CLEC16A: variants seen among roughly 807,000 people sequenced by gnomAD.
The protein encoded by CLEC16A is protein CLEC16A.
Under a neutral mutation model 109.5 loss-of-function variants are expected in CLEC16A, and 51 were observed. The ratio of observed to expected loss-of-function variants is 0.47; its 90% CI spans 0.37 to 0.59. CLEC16A has a LOEUF of 0.59. Ranked by LOEUF, CLEC16A falls within the 20% of genes least tolerant of loss-of-function variation. The pLI, the probability that CLEC16A is intolerant of heterozygous loss-of-function variation, is 0.00. For missense variants in CLEC16A, 1,339 were observed against 1,394.0 expected, an observed-to-expected ratio of 0.96 and a Z score of 0.63; for synonymous variants, 673 against 564.2, an observed-to-expected ratio of 1.19 and a Z score of -2.73.
intron 2 of CLEC16A, among the ~76,000 whole-genome samples, chr16:10,960,029 C>T (rs1214742022): frequency 1.3e-5 from 2 of 152,084 alleles, no homozygotes; most frequent in African/African-American, 4.8e-5. Context: ...AACAAAGTCC[C>T]TAAGAAAATT....
chr16:11,118,643 T>TA (rs1172005022), intron 19 of CLEC16A, among the ~76,000 whole-genome samples: 2 of 152,232 alleles, frequency 1.3e-5, no homozygotes, highest in African/African-American at 4.8e-5. Context: ...TTGGTTTAAG[T>TA]AAGTTCCATT....
intron 19 of CLEC16A, among the ~76,000 whole-genome samples, chr16:11,113,167 A>C (rs1396301571): frequency 6.6e-6 from 1 of 152,150 alleles, no homozygotes; most frequent in Non-Finnish European, 1.5e-5. Context: ...TCACGCCATC[A>C]CCTGGTTCTC....
intron 23 of CLEC16A, among the ~76,000 whole-genome samples, chr16:11,176,327 C>G (rs1256556648): frequency 6.6e-6 from 1 of 152,222 alleles, no homozygotes; most frequent in Non-Finnish European, 1.5e-5. Context: ...ACTTTTTCCA[C>G]TAGTGTTCAC....
intron 10 of CLEC16A, among the ~76,000 whole-genome samples, chr16:10,984,410 A>C (rs1262375639): frequency 6.6e-6 from 1 of 152,184 alleles, no homozygotes; most frequent in Non-Finnish European, 1.5e-5. Flanking sequence ...AGCAGTGTTG[A>C]TGGAGCTCTT....
intron 2 of CLEC16A, among the ~76,000 whole-genome samples, chr16:10,958,674 C>G (rs186863952): frequency 1.3e-5 from 2 of 152,280 alleles, no homozygotes; most frequent in East Asian, 3.9e-4. Context: ...GAGGCTGAGG[C>G]AGGAGGATCG....
chr16:11,169,739 G>C (rs1430656999), intron 23 of CLEC16A, among the ~76,000 whole-genome samples: 3 of 152,224 alleles, frequency 2.0e-5, no homozygotes, highest in African/African-American at 7.2e-5. Flanking sequence ...AAAGCTGGGA[G>C]TGACCTTCAT....
At chr16:11,166,354 C>T in intron 22 of CLEC16A, 34 bp from the exon 23 acceptor site, 1 of 1,567,876 alleles carries the variant, frequency 6.4e-7, no homozygotes, top group Non-Finnish European at 8.6e-7. Flanking sequence ...CTACTCTTTG[C>T]TTCCACTTGG....
Position 11,178,398 on chromosome 16 carries a change from A to G in CLEC16A, c.2870A>G (p.Glu957Gly), listed in dbSNP as rs752888400. 1 of 1,613,850 alleles carries G rather than the reference A, an allele frequency of 6.2e-7. No individual in the cohort carries two copies. The highest frequency in any genetic ancestry group is 1.1e-5 in the South Asian group (1 of 91,084). The change falls in exon 24 of 24, where the codon GAA (glutamate) becomes GGA (glycine). Residue 957 changes from glutamate to glycine, a missense_variant. Around this residue, in one of 3 missense-constraint regions of CLEC16A, gnomAD observed 1,061 missense variants for 1,006.8 expected, o/e 1.05. Transcript: ENST00000409790. This position sits in a 1 kb window ranked among gnomAD's most constrained non-coding sequence, Gnocchi z 6.5. ...HLPDQLVIVNETEADSKPSKN... is the reference protein window; with the variant it reads ...HLPDQLVIVNGTEADSKPSKN... ...CCTGACCAGTTGGTAATCGTCAACGAAACGGAAGCAGACTCTAAGCCCAGC... is the reference window on the plus strand; with the variant it reads ...CCTGACCAGTTGGTAATCGTCAACGGAACGGAAGCAGACTCTAAGCCCAGC...
At chr16:10,945,227 TA>T (rs2041292629) in intron 1 of CLEC16A, among the ~76,000 whole-genome samples, 2 of 152,260 alleles carry the variant, frequency 1.3e-5, no homozygotes, top group South Asian at 4.1e-4. Context: ...TCCCCACTTG[TA>T]AAAAGAGTAG....
At chr16:11,096,518 A>G (rs912986958) in intron 19 of CLEC16A, among the ~76,000 whole-genome samples, 4 of 152,232 alleles carry the variant, frequency 2.6e-5, no homozygotes, top group Non-Finnish European at 4.4e-5. Flanking sequence ...TTTCCTGATT[A>G]TAAAAGTATT....
intron 12 of CLEC16A, 40 bp from the exon 13 acceptor site, chr16:11,024,781 G>T: frequency 6.7e-7 from 1 of 1,486,348 alleles, no homozygotes; most frequent in Non-Finnish European, 9.2e-7. Context: ...GTTCACCCTT[G>T]TGCACCGTGA....
chr16:11,046,122 C>G (rs929398608), intron 16 of CLEC16A, among the ~76,000 whole-genome samples: 1 of 152,188 alleles, frequency 6.6e-6, no homozygotes, highest in African/African-American at 2.4e-5. Context: ...CTTTGAACCT[C>G]TTTCCAGTAT....
At chr16:11,046,206 C>G (rs933479915) in intron 16 of CLEC16A, among the ~76,000 whole-genome samples, 1 of 152,118 alleles carries the variant, frequency 6.6e-6, no homozygotes, top group Non-Finnish European at 1.5e-5. Flanking sequence ...TAGGCATTTT[C>G]CCAGAGGGTT....
rs146807156 is a variant in CLEC16A at position 10,954,780 on chromosome 16, C to A, written c.81-3002C>A. ...TTCTCTACTTCCTGCTCTGGTTTCG[C>A]TGAACCTTCCCATCACGACTCCTGC... On this transcript the variant is annotated intron_variant, in intron 1 of 23. Transcript: ENST00000409790. The surrounding 1 kb of genome is among the most constrained non-coding windows in gnomAD (Gnocchi z 4.2). Among the ~76,000 whole-genome samples the A allele has an allele frequency of 1.3e-5, 2 of 152,304 alleles. No homozygotes were observed. Among genetic ancestry groups the A allele is most frequent in the African/African-American group, 4.8e-5 (2 of 41,556 alleles).
At chr16:11,006,835 G>T (rs1326699229) in intron 11 of CLEC16A, among the ~76,000 whole-genome samples, 2 of 152,106 alleles carry the variant, frequency 1.3e-5, no homozygotes, top group African/African-American at 2.4e-5. Flanking sequence ...CCCTTCCCCA[G>T]TCTACAGAGG....
chr16:11,047,498 C>T, intron 17 of CLEC16A, 156 bp downstream of exon 17: 2 of 437,962 alleles, frequency 4.6e-6, no homozygotes, highest in South Asian at 1.2e-4. Context: ...TCTTGTGATC[C>T]CCACCACTGT....
chr16:11,106,793 ATTATT>A lies in CLEC16A; in HGVS notation c.2117-13816_2117-13812del, dbSNP rs146716773. Among the ~76,000 whole-genome samples, 1,182 of 152,252 alleles carry A rather than the reference ATTATT, an allele frequency of 7.8e-3. 17 individuals carry two copies. The highest frequency in any genetic ancestry group is 0.027 in the African/African-American group (1,128 of 41,520). Reference sequence around the variant, plus strand: ...GCATATCATGAAGTAGAGCTATAAAATTATTTTATTACCCCCCGCCTATAGATGAG... The same window carrying A: ...GCATATCATGAAGTAGAGCTATAAAATTATTACCCCCCGCCTATAGATGAG... On this transcript the variant is annotated intron_variant, in intron 19 of 23. Transcript: ENST00000409790.
intron 19 of CLEC16A, among the ~76,000 whole-genome samples, chr16:11,101,030 G>A (rs1344312909): frequency 1.3e-5 from 2 of 152,180 alleles, no homozygotes; most frequent in African/African-American, 4.8e-5. Flanking sequence ...TTGGCCCATA[G>A]TAGATACACA....
chr16:11,082,309 G>C (rs1198355850), intron 19 of CLEC16A, among the ~76,000 whole-genome samples: 4 of 152,144 alleles, frequency 2.6e-5, no homozygotes, highest in African/African-American at 4.8e-5. Flanking sequence ...GCAGGGCCAG[G>C]GCCCTAGGGC....
Sources: gnomAD v4.1 joint callset for allele counts (sites outside exome capture counted in the v4.1 genomes callset) on GRCh38, gnomAD v4.1.1 for gene constraint, gnomAD v4.1.1 regional missense constraint, Gnocchi (gnomAD v3.1) non-coding constraint, MANE v1.5 for transcripts, NCBI Gene and HGNC (gene_info 2026-07-23, HGNC 2026-07-21) for gene names.